Variants in GPCPD1 observed in about 807,000 individuals in gnomAD.
GPCPD1 encodes the protein glycerophosphocholine phosphodiesterase GPCPD1.
Under a neutral mutation model 89.2 loss-of-function variants are expected in GPCPD1, and 29 were observed. The ratio of observed to expected loss-of-function variants is 0.33; its 90% CI spans 0.24 to 0.44. The LOEUF (loss-of-function observed/expected upper bound fraction) is 0.44. Ranked by LOEUF, GPCPD1 falls within the 20% of genes least tolerant of loss-of-function variation. The pLI is 1.00. For synonymous variants in GPCPD1, 258 were observed against 266.3 expected (o/e 0.97, Z 0.30); for missense variants, 594 against 808.9 (o/e 0.73, Z 3.22).
At chr20:5,586,324 C>A in intron 4 of GPCPD1, 55 bp from the exon 5 acceptor site, 1 of 933,828 alleles carries the variant, frequency 1.1e-6, no homozygotes, top group Non-Finnish European at 1.8e-6. Context: ...ATTTTCTACC[C>A]ATGACTCCAT....
chr20:5,559,884 C>T (rs559485609), intron 17 of GPCPD1, 56 bp downstream of exon 17: 6 of 958,010 alleles, frequency 6.3e-6, no homozygotes, highest in African/African-American at 5.1e-5. Context: ...CAGACTGCTG[C>T]CTTAAGTCCT....
rs1253269582 is a variant in GPCPD1 at position 5,547,802 on chromosome 20, T to C, written c.1878A>G (p.Gln626=). ...PEQPNIFQVE[Q]LERLKQELPE... ...GCAATTCCTGCTTCAGGCGTTCCAA[T>C]TGCTCCACTTGGAATATATTTGGTT... Residue 626 remains glutamine, a synonymous_variant, in exon 20 of 20, where the codon CAA becomes CAG. Transcript: ENST00000379019. 5.6e-6 allele frequency: 9 copies of C among 1,609,604 alleles called. No individual in the cohort carries two copies. Among genetic ancestry groups the C allele is most frequent in the South Asian group, 3.3e-5 (3 of 90,828 alleles).
At chr20:5,588,093 C>T (rs779752485) in intron 4 of GPCPD1, among the ~76,000 whole-genome samples, 4 of 152,076 alleles carry the variant, frequency 2.6e-5, no homozygotes, top group East Asian at 1.9e-4. Context: ...TGGTGACTTT[C>T]GTATCCATTA....
chr20:5,604,311 A>G, intron 2 of GPCPD1, 53 bp downstream of exon 2: 1 of 918,864 alleles, frequency 1.1e-6, no homozygotes, highest in Non-Finnish European at 1.8e-6. Context: ...TAATCCAGAT[A>G]AGAAACATGC....
chr20:5,549,489 C>T (rs1600705446), intron 19 of GPCPD1: 1 of 1,187,428 alleles, frequency 8.4e-7, no homozygotes, highest in Non-Finnish European at 1.2e-6. Context: ...TAAGAAGACA[C>T]CTTCTGAGTA....
chr20:5,574,685 C>A (rs1978285562), intron 10 of GPCPD1, among the ~76,000 whole-genome samples: 1 of 152,100 alleles, frequency 6.6e-6, no homozygotes, highest in South Asian at 2.1e-4. Context: ...CTGCAGTGAG[C>A]CAAGAATGTG....
In GPCPD1 at chr20:5,605,704, G is replaced by A. The variant is rs185020617; in HGVS notation, c.-28-1264C>T. On this transcript the variant is annotated intron_variant, in intron 1 of 19. Coordinates refer to ENST00000379019, the MANE Select transcript of GPCPD1 (RefSeq NM_019593.5). ...GAGGCAGGAGAATTGCTTGAACCTG[G>A]GAGGTGGAGGTTGAGGTGAGCCCCC... Among the ~76,000 whole-genome samples, 4 of 152,168 alleles carry A rather than the reference G, an allele frequency of 2.6e-5. No individual in the cohort carries two copies. In the East Asian group the frequency reaches 7.7e-4, roughly 29 times the overall value.
chr20:5,547,711 A>G lies in GPCPD1; in HGVS notation c.1969T>C (p.Ser657Pro). The stretch of plus-strand genomic sequence containing the variant: ...CCGTTGGCATCCACATGGATATCAG[A>G]CTCCCCACACAAAGATGAGGGAACA... ...RFVPSSLCGE[S>P]DIHVDANGID... Residue 657 changes from serine to proline, a missense_variant, in exon 20 of 20, where the codon TCT becomes CCT. By Grantham distance (74) the Ser-to-Pro change is moderately conservative (BLOSUM62 -1). Coordinates refer to ENST00000379019, the MANE Select transcript of GPCPD1 (RefSeq NM_019593.5). The G allele has an allele frequency of 2.5e-6, 4 of 1,610,922 alleles. No homozygotes were observed. Among genetic ancestry groups the G allele is most frequent in the Non-Finnish European group, 3.4e-6 (4 of 1,177,500 alleles).
chr20:5,597,345 T>A (rs1350481407), intron 3 of GPCPD1, among the ~76,000 whole-genome samples: 1 of 152,248 alleles, frequency 6.6e-6, no homozygotes, highest in Non-Finnish European at 1.5e-5. Context: ...TTGCTGTGAA[T>A]GACCAGCATT....
At chr20:5,550,685 G>A (rs1985355521) in intron 19 of GPCPD1, among the ~76,000 whole-genome samples, 1 of 152,220 alleles carries the variant, frequency 6.6e-6, no homozygotes, top group East Asian at 1.9e-4. Context: ...AAATTCTAAA[G>A]TATTTCTAAC....
intron 9 of GPCPD1, 56 bp from the exon 10 acceptor site, chr20:5,575,601 A>T: frequency 8.5e-7 from 1 of 1,181,612 alleles, no homozygotes; most frequent in Non-Finnish European, 1.2e-6. Flanking sequence ...AAGGGCCATT[A>T]TGAGCTACAT....
intron 6 of GPCPD1, 44 bp downstream of exon 6, chr20:5,584,237 C>A (rs1978755436): frequency 1.1e-6 from 1 of 896,254 alleles, no homozygotes; most frequent in Non-Finnish European, 1.9e-6. Flanking sequence ...AAGTAACAAT[C>A]TCAATCATTT....
chr20:5,544,640 G>A lies in GPCPD1; in HGVS notation c.*3021C>T. The A allele has an allele frequency of 6.6e-6, 1 of 152,116 alleles. No individual in the cohort carries two copies. The highest frequency in any genetic ancestry group is 1.5e-5 in the Non-Finnish European group (1 of 68,040). 9.4% of individuals were successfully genotyped at this position (152,116 alleles called of 1,614,324 possible). A position where few individuals can be genotyped will look rare whatever the true frequency, so the allele number is the denominator to read the frequency against. ...GAAGGCAGCGTAGTTTGAGAACATG[G>A]GATTCAGAGTCACAAAACCCACATC... is the stretch of plus-strand genomic sequence containing the variant. On this transcript the variant is annotated 3_prime_UTR_variant, in exon 20 of 20. Transcript: ENST00000379019.
rs757135430 is a variant in GPCPD1 at position 5,567,505 on chromosome 20, A to G, written c.1205T>C (p.Phe402Ser). ...TACCTTTAACAACTGGAGTTGGTCAAATGTTAATTCTTTTACTGGAATTTC... is the reference window on the plus strand; with the variant it reads ...TACCTTTAACAACTGGAGTTGGTCAGATGTTAATTCTTTTACTGGAATTTC... ...LFEIPVKELTFDQLQLLKLTH... is the reference protein window; with the variant it reads ...LFEIPVKELTSDQLQLLKLTH... The change falls in exon 13 of 20, where the codon TTT becomes TCT. Residue 402 changes from phenylalanine to serine, a missense_variant. Transcript: ENST00000379019. 6.4e-7 allele frequency: 1 copy of G among 1,569,940 alleles called. No homozygotes were observed. The highest frequency in any genetic ancestry group is 2.1e-5 in the Admixed American group (1 of 48,608).
intron 2 of GPCPD1, among the ~76,000 whole-genome samples, chr20:5,600,134 G>A (rs1437962877): frequency 1.3e-5 from 2 of 152,218 alleles, no homozygotes; most frequent in East Asian, 3.8e-4. Context: ...TTCCAAGCTT[G>A]AGGCACTGCT....
intron 3 of GPCPD1, among the ~76,000 whole-genome samples, chr20:5,595,320 A>G (rs1408111704): frequency 6.6e-6 from 1 of 152,040 alleles, no homozygotes; most frequent in African/African-American, 2.4e-5. Flanking sequence ...TAAATAATAA[A>G]TAAGTAAAAA....
chr20:5,549,172 T>G, intron 19 of GPCPD1: 1 of 662,070 alleles, frequency 1.5e-6, no homozygotes, highest in Non-Finnish European at 2.8e-6. Flanking sequence ...GATGGCTAAT[T>G]TACATTGAAC....
At chr20:5,570,425 G>C (rs1184325081) in intron 11 of GPCPD1, among the ~76,000 whole-genome samples, 186 bp from the exon 12 acceptor site, 1 of 48,018 alleles carries the variant, frequency 2.1e-5, no homozygotes, top group Non-Finnish European at 4.4e-5. Flanking sequence ...CTTTTTCCTG[G>C]CAAAAAAAAA....
Position 5,590,542 on chromosome 20 carries a change from C to CAAAA in GPCPD1, c.231+2781_231+2784dup, listed in dbSNP as rs71197771. 3.4e-4 allele frequency among the ~76,000 whole-genome samples: 27 copies of CAAAA among 78,984 alleles called. 1 individual carries two copies. Among genetic ancestry groups the CAAAA allele is most frequent in the Admixed American group, 1.4e-3 (11 of 8,064 alleles). The allele number at this position is 78,984 out of a possible 152,430, so 51.8% of individuals were successfully genotyped here. A position where few individuals can be genotyped will look rare whatever the true frequency, so the allele number is the denominator to read the frequency against. ...TGGGCGACAGAACAAGACTCTGTCT[C>CAAAA]AAAAAAAAAAATCTCTATTTTTAGT... On this transcript the variant is annotated intron_variant, in intron 4 of 19. Transcript: ENST00000379019.
Sources: gnomAD v4.1 joint callset for allele counts (sites outside exome capture counted in the v4.1 genomes callset) on GRCh38, gnomAD v4.1.1 for gene constraint, MANE v1.5 for transcripts, NCBI Gene and HGNC (gene_info 2026-07-23, HGNC 2026-07-21) for gene names.